Variants in LRIT3 observed in about 807,000 individuals in gnomAD.
LRIT3 encodes the protein leucine-rich repeat, immunoglobulin-like domain and transmembrane domain-containing protein 3.
LRIT3 carries 14 observed loss-of-function variants against 22.6 expected under a neutral mutation model. The ratio of observed to expected loss-of-function variants is 0.62; its 90% CI spans 0.41 to 0.97. LRIT3 has a LOEUF of 0.97. LRIT3 is among the 50% of genes least tolerant of loss of function. The probability of loss-of-function intolerance (pLI) is 0.00; values close to 1 mark genes in which losing one functional copy is unlikely to be tolerated. For synonymous variants in LRIT3, 306 were observed against 304.5 expected (o/e 1.01, Z -0.05); for missense variants, 783 against 803.0 (o/e 0.98, Z 0.30).
At chr4:109,860,221 T>TG (rs1734502466) in intron 2 of LRIT3, among the ~76,000 whole-genome samples, 1 of 152,140 alleles carries the variant, frequency 6.6e-6, no homozygotes, top group Admixed American at 6.5e-5. Context: ...GCTTTTTTTT[T>TG]GGGGGTGTTG....
chr4:109,865,340 A>T (rs1003543169), intron 2 of LRIT3: 3 of 1,566,330 alleles, frequency 1.9e-6, no homozygotes, highest in East Asian at 4.5e-5. Flanking sequence ...TGGCCTTCAC[A>T]TATCAGGTCA....
chr4:109,859,914 A>G (rs1734493604), intron 2 of LRIT3, among the ~76,000 whole-genome samples: 1 of 152,184 alleles, frequency 6.6e-6, no homozygotes, highest in African/African-American at 2.4e-5. Flanking sequence ...TTCCATAGCA[A>G]TAGTTTCAAG....
At position 109,870,036 on chromosome 4, in the gene LRIT3, C is replaced by T. The variant is rs1416072041; in HGVS notation, c.1287C>T (p.Ser429=). The change falls in exon 4 of 4, where the codon AGC becomes AGT. Residue 429 remains serine (S), a synonymous_variant. Coordinates refer to ENST00000594814, the MANE Select transcript of LRIT3 (RefSeq NM_198506.5). Reference sequence around the variant, plus strand: ...CTTCAACCACAACTCTGAGCACAAGCATCTCAGCAAGTACCACCATGGCCA... The same window carrying T: ...CTTCAACCACAACTCTGAGCACAAGTATCTCAGCAAGTACCACCATGGCCA... ...TVSSTTTLST[S]ISASTTMANK... The T allele has an allele frequency of 1.2e-6, 2 of 1,614,202 alleles. No individual in the cohort carries two copies. The highest frequency in any genetic ancestry group is 1.1e-5 in the South Asian group (1 of 91,082).
At position 109,870,247 on chromosome 4, in the gene LRIT3, G is replaced by C; in HGVS notation, c.1498G>C (p.Val500Leu). ...LRVVSETKESVTLTWNMINTT... is the reference protein window; with the variant it reads ...LRVVSETKESLTLTWNMINTT... ...GGTGGTCAGTGAGACTAAAGAGAGTGTGACATTGACGTGGAATATGATCAA... is the reference window on the plus strand; with the variant it reads ...GGTGGTCAGTGAGACTAAAGAGAGTCTGACATTGACGTGGAATATGATCAA... Residue 500 changes from valine (V) to leucine (L), a missense_variant, in exon 4 of 4, where the codon GTG (valine) becomes CTG (leucine). Physicochemically the swap from Val to Leu is conservative, Grantham distance 32. This residue lies in a region of LRIT3 where 756 missense variants were observed against 753.8 expected (regional missense o/e 1.00). Coordinates refer to ENST00000594814, the MANE Select transcript of LRIT3 (RefSeq NM_198506.5). 1.2e-6 allele frequency: 2 copies of C among 1,614,200 alleles called. No individual in the cohort carries two copies. Among genetic ancestry groups the C allele is most frequent in the South Asian group, 2.2e-5 (2 of 91,078 alleles).
intron 1 of LRIT3, among the ~76,000 whole-genome samples, chr4:109,850,486 T>TCC (rs1734225074): frequency 6.9e-6 from 1 of 144,336 alleles, no homozygotes; most frequent in African/African-American, 2.6e-5. Context: ...TTTCTTTCTT[T>TCC]TCTATTTTGA....
In LRIT3 at chr4:109,871,629, A is replaced by G. The variant is rs1197212805; in HGVS notation, c.*840A>G. 6.6e-6 allele frequency: 1 copy of G among 152,036 alleles called. No individual in the cohort carries two copies. The highest frequency in any genetic ancestry group is 2.4e-5 in the African/African-American group (1 of 41,392). The allele number at this position is 152,036 out of a possible 1,614,324, so 9.4% of individuals were successfully genotyped here. On this transcript the variant is annotated 3_prime_UTR_variant, in exon 4 of 4. Coordinates refer to ENST00000594814, the MANE Select transcript of LRIT3 (RefSeq NM_198506.5). ...CTTCTGCTCTGTCAGAAGATATACA[A>G]GTAGCCAAAGCATCACGAGCCAAGC...
intron 1 of LRIT3, among the ~76,000 whole-genome samples, chr4:109,850,103 G>A (rs1716953495): frequency 6.6e-6 from 1 of 152,304 alleles, no homozygotes; most frequent in East Asian, 1.9e-4. Flanking sequence ...GCTTACGTGT[G>A]TATACATTAT....
chr4:109,850,400 T>C (rs1471516315), intron 1 of LRIT3, among the ~76,000 whole-genome samples: 1 of 1,372 alleles, frequency 7.3e-4, no homozygotes, highest in Non-Finnish European at 1.7e-3. Context: ...CCTTCCTTCC[T>C]TCCTTCCTTC....
chr4:109,856,331 G>T (rs55814498), intron 2 of LRIT3, among the ~76,000 whole-genome samples: 1 of 152,016 alleles, frequency 6.6e-6, no homozygotes, highest in African/African-American at 2.4e-5. Context: ...ATAGCTTGGC[G>T]CTGATCATGA....
intron 3 of LRIT3, 130 bp downstream of exon 3, chr4:109,868,076 T>A (rs1734729720): frequency 2.1e-6 from 2 of 943,458 alleles, no homozygotes. Context: ...GTGCAAGGGA[T>A]TTTAAAGGTA....
intron 2 of LRIT3, among the ~76,000 whole-genome samples, chr4:109,862,681 A>G (rs922127011): frequency 6.6e-6 from 1 of 152,174 alleles, no homozygotes; most frequent in African/African-American, 2.4e-5. Flanking sequence ...TACTCCAGAT[A>G]TTGCTGCTTT....
In LRIT3 at chr4:109,848,899, A is replaced by G. The variant is rs149889413; in HGVS notation, c.116+582A>G. Reference sequence around the variant, plus strand: ...TGCAGGATCTCACAGAAGTTATTCAATCTCTAGGTTGCTTTAGCATCTACT... The same window carrying G: ...TGCAGGATCTCACAGAAGTTATTCAGTCTCTAGGTTGCTTTAGCATCTACT... On this transcript the variant is annotated intron_variant, in intron 1 of 3. Coordinates refer to ENST00000594814, the MANE Select transcript of LRIT3 (RefSeq NM_198506.5). Among the ~76,000 whole-genome samples the G allele has an allele frequency of 7.2e-3, 1,097 of 152,352 alleles. 13 individuals are homozygous for G. Among genetic ancestry groups the G allele is most frequent in the African/African-American group, 0.025 (1,039 of 41,584 alleles).
At chr4:109,852,163 G>GTGTGTGTGCATGCA (rs974217348) in intron 2 of LRIT3, among the ~76,000 whole-genome samples, 187 bp downstream of exon 2, 2 of 152,188 alleles carry the variant, frequency 1.3e-5, no homozygotes, top group African/African-American at 4.8e-5. Context: ...TAAGAGCTGT[G>GTGTGTGTGCATGCA]TGTGTGTGCA....
At chr4:109,865,709 TA>T (rs1173309945) in intron 2 of LRIT3, among the ~76,000 whole-genome samples, 1 of 152,172 alleles carries the variant, frequency 6.6e-6, no homozygotes, top group South Asian at 2.1e-4. Flanking sequence ...TTGTTCAAAG[TA>T]ATTTCCATGA....
At chr4:109,852,816 C>A (rs1395961638) in intron 2 of LRIT3, among the ~76,000 whole-genome samples, 2 of 152,072 alleles carry the variant, frequency 1.3e-5, no homozygotes, top group Non-Finnish European at 2.9e-5. Context: ...TCAACTCCCA[C>A]TTATGAGTGA....
At chr4:109,861,116 C>A (rs998872341) in intron 2 of LRIT3, among the ~76,000 whole-genome samples, 11 of 152,120 alleles carry the variant, frequency 7.2e-5, no homozygotes, top group African/African-American at 2.7e-4. Flanking sequence ...CTCCTGTAAT[C>A]CCAACACTTT....
chr4:109,867,573 C>CCGTATCATGA, intron 2 of LRIT3, 68 bp from the exon 3 acceptor site: 1 of 1,416,346 alleles, frequency 7.1e-7, no homozygotes, highest in South Asian at 1.3e-5. Flanking sequence ...CCTACTTTCT[C>CCGTATCATGA]AAGAGGCAGG....
chr4:109,866,270 A>G (rs890061636), intron 2 of LRIT3, among the ~76,000 whole-genome samples: 5 of 152,184 alleles, frequency 3.3e-5, no homozygotes, highest in African/African-American at 1.2e-4. Flanking sequence ...CTATAACCAC[A>G]AATCTCTGTG....
Position 109,848,232 on chromosome 4 carries a change from C to T in LRIT3, c.31C>T (p.Leu11Phe). The T allele has an allele frequency of 1.6e-6, 2 of 1,232,026 alleles. No homozygotes were observed. Among genetic ancestry groups the T allele is most frequent in the Non-Finnish European group, 2.0e-6 (2 of 987,894 alleles). 76.3% of individuals were successfully genotyped at this position (1,232,026 alleles called of 1,614,324 possible). Residue 11 changes from leucine to phenylalanine, a missense_variant, in exon 1 of 4, where the codon CTT becomes TTT. By Grantham distance (22) the Leu-to-Phe change is conservative. Around this residue, in one of 2 missense-constraint regions of LRIT3, gnomAD observed 27 missense variants for 49.2 expected, o/e 0.55. Transcript: ENST00000594814. ...TCTCTTTGCATGTCTGTGCATTGTC[C>T]TTAGCTTTTTGGAAGGAGTGGGCTG... is the stretch of plus-strand genomic sequence containing the variant. Reference protein sequence around the residue: MHLFACLCIVLSFLEGVGCLC... With the variant: MHLFACLCIVFSFLEGVGCLC...
Sources: gnomAD v4.1 joint callset for allele counts (sites outside exome capture counted in the v4.1 genomes callset) on GRCh38, gnomAD v4.1.1 for gene constraint, gnomAD v4.1.1 regional missense constraint, MANE v1.5 for transcripts, NCBI Gene and HGNC (gene_info 2026-07-23, HGNC 2026-07-21) for gene names.